Variants in KCND2 observed in about 807,000 individuals in gnomAD.
KCND2 encodes the protein A-type voltage-gated potassium channel KCND2.
KCND2 carries 16 observed loss-of-function variants against 54.4 expected under a neutral mutation model. That is an observed-to-expected ratio of 0.29 (90% CI 0.20 to 0.45). KCND2 has a LOEUF of 0.45. Among genes scored for constraint, KCND2 ranks in the 20% least tolerant of loss-of-function variants. The pLI is 1.00. For synonymous variants in KCND2, 317 were observed against 310.7 expected, an observed-to-expected ratio of 1.02 and a Z score of -0.21; for missense variants, 486 against 824.2, an observed-to-expected ratio of 0.59 and a Z score of 5.02.
At chr7:120,536,165 G>A (rs921536324) in intron 1 of KCND2, among the ~76,000 whole-genome samples, 1 of 152,094 alleles carries the variant, frequency 6.6e-6, no homozygotes, top group Non-Finnish European at 1.5e-5. Flanking sequence ...GCATATAAAA[G>A]CTATGTTTAC....
intron 1 of KCND2, among the ~76,000 whole-genome samples, chr7:120,577,930 G>A (rs1389392898): frequency 6.6e-6 from 1 of 152,070 alleles, no homozygotes; most frequent in Non-Finnish European, 1.5e-5. Flanking sequence ...GCCAGGCATG[G>A]CAGTTCACAC....
intron 1 of KCND2, among the ~76,000 whole-genome samples, chr7:120,301,822 C>G (rs957325179): frequency 6.6e-6 from 1 of 151,998 alleles, no homozygotes; most frequent in African/African-American, 2.4e-5. Context: ...TGAAAAAATA[C>G]TTTTCCTGAC....
chr7:120,291,271 T>C lies in KCND2; in HGVS notation c.1115+15524T>C, dbSNP rs552735910. Reference sequence around the variant, plus strand: ...TTTAGCAGGAAGATGGAACAGATTGTCTTAGATGGTATTTGAACTTTATTT... The same window carrying C: ...TTTAGCAGGAAGATGGAACAGATTGCCTTAGATGGTATTTGAACTTTATTT... On this transcript the variant is annotated intron_variant, in intron 1 of 5. Transcript: ENST00000331113. Among the ~76,000 whole-genome samples, 7 of 152,010 alleles carry C rather than the reference T, an allele frequency of 4.6e-5. No individual in the cohort carries two copies. In the South Asian group the frequency reaches 1.5e-3, roughly 32 times the overall value.
At chr7:120,425,974 T>C (rs1801701133) in intron 1 of KCND2, among the ~76,000 whole-genome samples, 1 of 152,148 alleles carries the variant, frequency 6.6e-6, no homozygotes, top group African/African-American at 2.4e-5. Flanking sequence ...CTAGTTAATT[T>C]TATTTTAGAA....
At chr7:120,314,330 C>T (rs1178834014) in intron 1 of KCND2, among the ~76,000 whole-genome samples, 1 of 144,192 alleles carries the variant, frequency 6.9e-6, no homozygotes, top group Admixed American at 6.9e-5. Context: ...AAGACTCCAT[C>T]TCAAAAAAAA....
intron 1 of KCND2, among the ~76,000 whole-genome samples, chr7:120,461,129 T>A (rs549006556): frequency 6.6e-6 from 1 of 152,280 alleles, no homozygotes; most frequent in East Asian, 1.9e-4. Context: ...CCTCCTTGGT[T>A]GCCACTGTGT....
chr7:120,407,983 CA>C (rs368964717), intron 1 of KCND2, among the ~76,000 whole-genome samples: 1 of 151,776 alleles, frequency 6.6e-6, no homozygotes, highest in African/African-American at 2.4e-5. Flanking sequence ...TTTATAATTT[CA>C]AAAAGTTATT....
At chr7:120,378,630 A>T (rs1191664440) in intron 1 of KCND2, among the ~76,000 whole-genome samples, 2 of 152,002 alleles carry the variant, frequency 1.3e-5, no homozygotes, top group Non-Finnish European at 2.9e-5. Context: ...ACTACGTGTA[A>T]AGCAGGTTCA....
chr7:120,734,798 C>A (rs1380576785), intron 2 of KCND2, among the ~76,000 whole-genome samples: 2 of 151,998 alleles, frequency 1.3e-5, no homozygotes, highest in Admixed American at 6.6e-5. Context: ...AGATGCACAA[C>A]CTAGGTGATG....
intron 1 of KCND2, among the ~76,000 whole-genome samples, chr7:120,488,186 C>T (rs975827480): frequency 4.0e-5 from 6 of 151,878 alleles, no homozygotes; most frequent in Middle Eastern, 3.2e-3. Flanking sequence ...CAGAGTGAGA[C>T]CCTGTCTCAA....
At position 120,466,081 on chromosome 7, in the gene KCND2, C is replaced by T. The variant is rs564402584; in HGVS notation, c.1115+190334C>T. On this transcript the variant is annotated intron_variant, in intron 1 of 5. Coordinates refer to ENST00000331113, the MANE Select transcript of KCND2 (RefSeq NM_012281.3). ...GATGTTTAACAGCTATCTCTGAGCC[C>T]TACCCTCTAGATGTCAGTTGCAATC... Among the ~76,000 whole-genome samples the T allele has an allele frequency of 2.0e-5, 3 of 152,314 alleles. No individual in the cohort carries two copies. The East Asian group carries it at 5.8e-4, about 29-fold the overall frequency.
chr7:120,628,641 T>C (rs920810860), intron 1 of KCND2, among the ~76,000 whole-genome samples: 1 of 152,208 alleles, frequency 6.6e-6, no homozygotes, highest in Admixed American at 6.5e-5. Context: ...AATACACTAA[T>C]GAAATCAGAG....
At chr7:120,565,401 A>G (rs908870612) in intron 1 of KCND2, among the ~76,000 whole-genome samples, 32 of 152,328 alleles carry the variant, frequency 2.1e-4, no homozygotes, top group African/African-American at 7.5e-4. Flanking sequence ...TAGGGAAAAT[A>G]ATCATTCTAG....
chr7:120,420,551 G>A (rs1325552730), intron 1 of KCND2, among the ~76,000 whole-genome samples: 1 of 152,170 alleles, frequency 6.6e-6, no homozygotes, highest in East Asian at 1.9e-4. Context: ...GTACAGCAGA[G>A]AGGTACTGGG....
At chr7:120,397,282 C>T (rs1302942103) in intron 1 of KCND2, among the ~76,000 whole-genome samples, 1 of 151,924 alleles carries the variant, frequency 6.6e-6, no homozygotes, top group Non-Finnish European at 1.5e-5. Flanking sequence ...GCAAAATATA[C>T]CCAAGAATAT....
chr7:120,307,448 T>A (rs1041225180), intron 1 of KCND2, among the ~76,000 whole-genome samples: 1 of 152,038 alleles, frequency 6.6e-6, no homozygotes, highest in African/African-American at 2.4e-5. Flanking sequence ...ACAAAATATT[T>A]TGAACATAGT....
chr7:120,463,457 ATTGTG>A (rs978186747), intron 1 of KCND2, among the ~76,000 whole-genome samples: 1 of 151,032 alleles, frequency 6.6e-6, no homozygotes, highest in African/African-American at 2.4e-5. Flanking sequence ...CCAGTAATAC[ATTGTG>A]TTAAGTGTAA....
intron 1 of KCND2, among the ~76,000 whole-genome samples, chr7:120,690,891 T>C (rs1301318940): frequency 1.3e-5 from 2 of 152,090 alleles, no homozygotes; most frequent in Non-Finnish European, 1.5e-5. Flanking sequence ...TAATGCATGC[T>C]ATAAAGAAAA....
rs147225538 is a variant in KCND2 at position 120,339,420 on chromosome 7, T to C, written c.1115+63673T>C. Reference sequence around the variant, plus strand: ...ACAAATTTGAGAGCTTATTATCCTATATACATAATTATTAATTATCCTTTA... The same window carrying C: ...ACAAATTTGAGAGCTTATTATCCTACATACATAATTATTAATTATCCTTTA... On this transcript the variant is annotated intron_variant, in intron 1 of 5. Transcript: ENST00000331113. Among the ~76,000 whole-genome samples the C allele has an allele frequency of 3.3e-5, 5 of 152,248 alleles. No individual in the cohort carries two copies. The East Asian group carries it at 9.7e-4, about 29-fold the overall frequency.
Sources: allele counts gnomAD v4.1 joint callset (sites outside exome capture counted in the v4.1 genomes callset), GRCh38; gene constraint gnomAD v4.1.1; transcripts MANE v1.5; gene names NCBI Gene and HGNC (gene_info 2026-07-23, HGNC 2026-07-21).